Variants in RBM19 observed in about 807,000 individuals in gnomAD.
RBM19 encodes RNA binding motif protein 19.
Under a neutral mutation model 116.8 loss-of-function variants are expected in RBM19, and 94 were observed. The ratio of observed to expected loss-of-function variants is 0.80; its 90% confidence interval spans 0.68 to 0.95. The LOEUF (loss-of-function observed/expected upper bound fraction) is 0.95. RBM19 is among the 40% of genes least tolerant of loss of function. The pLI, the probability that RBM19 is intolerant of heterozygous loss-of-function variation, is 0.00. For missense variants in RBM19, 1,161 were observed against 1,220.7 expected, an observed-to-expected ratio of 0.95 and a Z score of 0.73; for synonymous variants, 475 against 494.1, an observed-to-expected ratio of 0.96 and a Z score of 0.51.
At chr12:113,927,468 C>T in intron 16 of RBM19, 1 of 500,954 alleles carries the variant, frequency 2.0e-6, no homozygotes. Flanking sequence ...ATACAAAACA[C>T]AGCCCTCAAA....
In RBM19 at chr12:113,960,316, C is replaced by A. The variant is rs561123700; in HGVS notation, c.220-138G>T. 26 of 1,100,618 alleles carry A rather than the reference C, an allele frequency of 2.4e-5. No individual in the cohort carries two copies. In the Admixed American group the frequency reaches 2.5e-4, roughly 10 times the overall value. 68.2% of individuals were successfully genotyped at this position (1,100,618 alleles called of 1,614,324 possible). A position where few individuals can be genotyped will look rare whatever the true frequency, so the allele number is the denominator to read the frequency against. On this transcript the variant is annotated intron_variant, in intron 2 of 23. Coordinates refer to ENST00000261741, the MANE Select transcript of RBM19 (RefSeq NM_016196.4). ...GTTTGCTGAAGTAGATTACACGTCA[C>A]CCCTTAGCCTGGGCTTTCTTTCCCT... is the stretch of plus-strand genomic sequence containing the variant.
At chr12:113,874,125 T>C (rs1306194051) in intron 21 of RBM19, among the ~76,000 whole-genome samples, 3 of 152,362 alleles carry the variant, frequency 2.0e-5, no homozygotes, top group South Asian at 4.1e-4. Context: ...CTCGATGTTA[T>C]GGGACTTTGC....
intron 21 of RBM19, among the ~76,000 whole-genome samples, chr12:113,892,572 T>C (rs1881033008): frequency 6.6e-6 from 1 of 152,222 alleles, no homozygotes; most frequent in Non-Finnish European, 1.5e-5. Context: ...TATAAAGTGC[T>C]GGGCAAAAAG....
At chr12:113,881,812 G>C (rs1880154385) in intron 21 of RBM19, among the ~76,000 whole-genome samples, 1 of 152,232 alleles carries the variant, frequency 6.6e-6, no homozygotes, top group Non-Finnish European at 1.5e-5. Context: ...ACCACATGTT[G>C]CTTCCTTGCA....
chr12:113,938,903 G>A (rs990945260), intron 15 of RBM19, among the ~76,000 whole-genome samples: 1 of 151,276 alleles, frequency 6.6e-6, no homozygotes, highest in African/African-American at 2.4e-5. Context: ...TTCAGACTGT[G>A]GCCTTCGGAA....
chr12:113,897,724 T>C (rs1881432936), intron 21 of RBM19, among the ~76,000 whole-genome samples: 1 of 152,198 alleles, frequency 6.6e-6, no homozygotes, highest in African/African-American at 2.4e-5. Flanking sequence ...TACTGCACAA[T>C]CCTAGAGGCC....
chr12:113,844,875 C>T lies in RBM19; in HGVS notation c.2665-87G>A, dbSNP rs1331986048. ...CTGCCTGCCAGCTGCCTGCCTGCGT[C>T]TCAGATGCCAAAGCCCAGGTTCTGG... On this transcript the variant is annotated intron_variant, in intron 22 of 23. Coordinates refer to ENST00000261741, the MANE Select transcript of RBM19 (RefSeq NM_016196.4). The T allele has an allele frequency of 2.0e-6, 3 of 1,474,606 alleles. No homozygotes were observed. In the Admixed American group the frequency reaches 6.7e-5, roughly 33 times the overall value. 91.3% of individuals were successfully genotyped at this position (1,474,606 alleles called of 1,614,324 possible). A position where few individuals can be genotyped will look rare whatever the true frequency, so the allele number is the denominator to read the frequency against.
chr12:113,947,280 T>C, intron 11 of RBM19, 54 bp downstream of exon 11: 1 of 1,529,440 alleles, frequency 6.5e-7, no homozygotes, highest in Non-Finnish European at 8.9e-7. Flanking sequence ...ACACCAGCCT[T>C]TCCCGACCAT....
At chr12:113,879,593 C>T (rs1879962512) in intron 21 of RBM19, among the ~76,000 whole-genome samples, 3 of 151,866 alleles carry the variant, frequency 2.0e-5, no homozygotes, top group African/African-American at 7.3e-5. Context: ...CTCCTACGCC[C>T]CGCTTCCACC....
chr12:113,902,232 C>T (rs1162883358), intron 21 of RBM19, among the ~76,000 whole-genome samples: 1 of 152,158 alleles, frequency 6.6e-6, no homozygotes, highest in East Asian at 1.9e-4. Context: ...ATCACAAGGA[C>T]CCCCTAAGCT....
At chr12:113,937,245 T>G in intron 15 of RBM19, 109 bp from the exon 16 acceptor site, 1 of 1,377,270 alleles carries the variant, frequency 7.3e-7, no homozygotes, top group Admixed American at 2.3e-5. Context: ...GATGGGCAAC[T>G]CACCCAAGAA....
At chr12:113,831,853 G>T (rs77137522) in intron 23 of RBM19, among the ~76,000 whole-genome samples, 2 of 152,182 alleles carry the variant, frequency 1.3e-5, no homozygotes, top group Admixed American at 6.5e-5. Flanking sequence ...GTAGGAGGGG[G>T]TGACTGGGCG....
At chr12:113,883,893 C>T (rs1453341161) in intron 21 of RBM19, among the ~76,000 whole-genome samples, 1 of 152,148 alleles carries the variant, frequency 6.6e-6, no homozygotes, top group Non-Finnish European at 1.5e-5. Flanking sequence ...TGGATAGGAA[C>T]TGGAGGTATC....
chr12:113,942,957 C>T (rs1305205093), intron 13 of RBM19, among the ~76,000 whole-genome samples: 1 of 152,090 alleles, frequency 6.6e-6, no homozygotes, highest in Non-Finnish European at 1.5e-5. Context: ...GATCTGGGAC[C>T]CCAGGGTCCC....
intron 16 of RBM19, among the ~76,000 whole-genome samples, chr12:113,933,506 C>A (rs760355298): frequency 1.3e-5 from 2 of 151,322 alleles, no homozygotes; most frequent in African/African-American, 4.9e-5. Flanking sequence ...AGCACAGACA[C>A]GCACAACTTC....
intron 21 of RBM19, 36 bp downstream of exon 21, chr12:113,914,933 C>A (rs1882677670): frequency 1.3e-6 from 2 of 1,574,778 alleles, no homozygotes; most frequent in Non-Finnish European, 1.7e-6. Context: ...TCCCCGCCCA[C>A]ACGCCAGTCC....
At chr12:113,842,286 G>T (rs946512316) in intron 23 of RBM19, among the ~76,000 whole-genome samples, 1 of 152,240 alleles carries the variant, frequency 6.6e-6, no homozygotes, top group Admixed American at 6.5e-5. Context: ...CTGGCCCCGG[G>T]GTTGGGGGAT....
chr12:113,824,418 A>C (rs1237594798), intron 23 of RBM19, among the ~76,000 whole-genome samples: 1 of 152,218 alleles, frequency 6.6e-6, no homozygotes, highest in Non-Finnish European at 1.5e-5. Context: ...GTTGGAATCC[A>C]GGCTGGCTTC....
chr12:113,872,466 A>T (rs1879307610), intron 21 of RBM19, among the ~76,000 whole-genome samples: 1 of 117,264 alleles, frequency 8.5e-6, no homozygotes, highest in Non-Finnish European at 1.8e-5. Context: ...GGCCGCCCCT[A>T]CTGGGAGGTG....
Sources: gnomAD v4.1 joint callset for allele counts (sites outside exome capture counted in the v4.1 genomes callset) on GRCh38, gnomAD v4.1.1 for gene constraint, MANE v1.5 for transcripts, NCBI Gene and HGNC (gene_info 2026-07-23, HGNC 2026-07-21) for gene names.